PPHLN1: variants seen among roughly 807,000 people sequenced by gnomAD.
The protein encoded by PPHLN1 is periphilin 1.
In PPHLN1, 29 loss-of-function variants were observed where a neutral mutation model predicts 51.3. That is an observed-to-expected ratio of 0.57 (90% CI 0.42 to 0.77). The LOEUF (loss-of-function observed/expected upper bound fraction) is 0.77, where lower values mean the gene tolerates loss of function less well. Ranked by LOEUF, PPHLN1 falls within the 30% of genes least tolerant of loss-of-function variation. The pLI is 0.00. For missense variants in PPHLN1, 436 were observed against 438.4 expected, an observed-to-expected ratio of 0.99 and a Z score of 0.05; for synonymous variants, 147 against 147.8, an observed-to-expected ratio of 0.99 and a Z score of 0.04.
At chr12:42,390,053 C>G (rs1403243727) in intron 7 of PPHLN1, among the ~76,000 whole-genome samples, 1 of 152,218 alleles carries the variant, frequency 6.6e-6, no homozygotes, top group Admixed American at 6.5e-5. Flanking sequence ...TACCCTTTCT[C>G]TTAGCCATAA....
intron 2 of PPHLN1, among the ~76,000 whole-genome samples, chr12:42,343,494 A>G (rs1016091460): frequency 2.0e-5 from 3 of 152,196 alleles, no homozygotes; most frequent in East Asian, 3.8e-4. Context: ...TAATCCATCT[A>G]TGTTTTTGAA....
intron 5 of PPHLN1, among the ~76,000 whole-genome samples, chr12:42,381,927 C>G (rs2076789336): frequency 2.0e-5 from 3 of 152,166 alleles, no homozygotes; most frequent in Admixed American, 2.0e-4. Flanking sequence ...CCCTGTTTGC[C>G]AAGCACTGCG....
At chr12:42,378,725 C>T (rs1230601667) in intron 5 of PPHLN1, among the ~76,000 whole-genome samples, 1 of 152,060 alleles carries the variant, frequency 6.6e-6, no homozygotes, top group Non-Finnish European at 1.5e-5. Flanking sequence ...ATTTTGTGCT[C>T]ACATACATAC....
At chr12:42,400,757 G>GTCTCTCTCTCTCTCTCTT (rs2078748239) in intron 9 of PPHLN1, among the ~76,000 whole-genome samples, 3 of 140,590 alleles carry the variant, frequency 2.1e-5, no homozygotes, top group Non-Finnish European at 3.1e-5. Flanking sequence ...GCGAGACCCT[G>GTCTCTCTCTCTCTCTCTT]TCTCTCTCTC....
chr12:42,361,918 T>C (rs1436796855), intron 4 of PPHLN1, among the ~76,000 whole-genome samples: 1 of 152,242 alleles, frequency 6.6e-6, no homozygotes, highest in Non-Finnish European at 1.5e-5. Context: ...CTGAATCATA[T>C]GGTAATCTAT....
intron 9 of PPHLN1, among the ~76,000 whole-genome samples, chr12:42,418,237 T>TTAAA (rs1555216928): frequency 1.7e-5 from 2 of 115,800 alleles, no homozygotes; most frequent in Non-Finnish European, 3.6e-5. Flanking sequence ...TTTTTTTTTT[T>TTAAA]AATCAACGCA....
chr12:42,407,848 A>C (rs1418239228), intron 9 of PPHLN1, among the ~76,000 whole-genome samples: 2 of 152,214 alleles, frequency 1.3e-5, no homozygotes, highest in Non-Finnish European at 2.9e-5. Context: ...GAAAAAATTC[A>C]GTACATGTTC....
At chr12:42,417,943 G>GTTTTTTTTTTTTT (rs371302578) in intron 9 of PPHLN1, among the ~76,000 whole-genome samples, 24 of 88,404 alleles carry the variant, frequency 2.7e-4, no homozygotes, top group East Asian at 6.9e-4. Flanking sequence ...TTTTTTTTTT[G>GTTTTTTTTTTTTT]TTTTTTTTTT....
chr12:42,333,069 C>T (rs994897071), intron 1 of PPHLN1, among the ~76,000 whole-genome samples: 12 of 152,230 alleles, frequency 7.9e-5, no homozygotes, highest in African/African-American at 2.6e-4. Context: ...TCTTGTTACT[C>T]CCAGGAGTAG....
intron 3 of PPHLN1, 73 bp downstream of exon 3, chr12:42,352,122 GT>G: frequency 7.8e-7 from 1 of 1,287,064 alleles, no homozygotes. Flanking sequence ...AAAAATTTAT[GT>G]GACGGCCGTG....
intron 9 of PPHLN1, among the ~76,000 whole-genome samples, chr12:42,438,958 C>T (rs1006521574): frequency 5.9e-5 from 9 of 152,188 alleles, no homozygotes; most frequent in Non-Finnish European, 1.3e-4. Flanking sequence ...TTATCACATA[C>T]GTGTTTTGCA....
At chr12:42,327,302 T>G (rs2068950112) in intron 1 of PPHLN1, among the ~76,000 whole-genome samples, 1 of 152,240 alleles carries the variant, frequency 6.6e-6, no homozygotes, top group Non-Finnish European at 1.5e-5. Flanking sequence ...ACTTCTTTAG[T>G]GAAATTCTCC....
Position 42,333,527 on chromosome 12 carries a change from G to A in PPHLN1, c.-20-2356G>A, listed in dbSNP as rs182097813. On this transcript the variant is annotated intron_variant, in intron 1 of 9. Transcript: ENST00000358314. ...AGATGGAGTCTCACTCTGTTGCCCA[G>A]GCTGGAGTGCAGTGGCACAATCTTA... 4.4e-3 allele frequency among the ~76,000 whole-genome samples: 671 copies of A among 150,936 alleles called. 5 individuals carry two copies. Among genetic ancestry groups the A allele is most frequent in the South Asian group, 0.03 (145 of 4,780 alleles).
intron 4 of PPHLN1, among the ~76,000 whole-genome samples, chr12:42,367,704 GCATT>G (rs1422740082): frequency 1.3e-5 from 2 of 152,056 alleles, no homozygotes; most frequent in Non-Finnish European, 1.5e-5. Flanking sequence ...GGTTTTGCTA[GCATT>G]CATTAAAAGA....
chr12:42,404,366 TAA>T (rs1380820156), intron 9 of PPHLN1, among the ~76,000 whole-genome samples: 1 of 152,032 alleles, frequency 6.6e-6, no homozygotes, highest in Non-Finnish European at 1.5e-5. Context: ...CCATCTCTAC[TAA>T]AAATACAAAA....
intron 5 of PPHLN1, among the ~76,000 whole-genome samples, chr12:42,377,676 A>G (rs1195466598): frequency 6.6e-6 from 1 of 152,200 alleles, no homozygotes; most frequent in Non-Finnish European, 1.5e-5. Flanking sequence ...AGAAGAAGAA[A>G]GTATCTTTGG....
intron 4 of PPHLN1, among the ~76,000 whole-genome samples, chr12:42,356,635 A>G (rs2074075933): frequency 6.6e-6 from 1 of 152,238 alleles, no homozygotes; most frequent in Non-Finnish European, 1.5e-5. Context: ...AAAAGAAGCA[A>G]TAGAATAGAT....
chr12:42,339,209 T>G (rs541681882), intron 2 of PPHLN1, among the ~76,000 whole-genome samples: 4 of 152,368 alleles, frequency 2.6e-5, no homozygotes, highest in Non-Finnish European at 4.4e-5. Flanking sequence ...TTTTCTCTTT[T>G]TGAGAGCACA....
Position 42,398,098 on chromosome 12 carries a change from G to A in PPHLN1, c.769-756G>A, listed in dbSNP as rs189105353. ...TTGTTACTATTGAGACAACTCCTTT[G>A]ATAATTTTTTCTGTAGTGTCCTTCC... On this transcript the variant is annotated intron_variant, in intron 8 of 9. Transcript: ENST00000358314. 3.3e-5 allele frequency among the ~76,000 whole-genome samples: 5 copies of A among 151,654 alleles called. No homozygotes were observed. The East Asian group carries it at 5.8e-4, about 18-fold the overall frequency.
Sources: gnomAD v4.1 joint callset for allele counts (sites outside exome capture counted in the v4.1 genomes callset) on GRCh38, gnomAD v4.1.1 for gene constraint, MANE v1.5 for transcripts, NCBI Gene and HGNC (gene_info 2026-07-23, HGNC 2026-07-21) for gene names.